DNAH11: variants seen among roughly 807,000 people sequenced by gnomAD.
The protein encoded by DNAH11 is axonemal beta dynein heavy chain 11.
Under a neutral mutation model 526.0 loss-of-function variants are expected in DNAH11, and 442 were observed. The ratio of observed to expected loss-of-function variants is 0.84; its 90% confidence interval spans 0.78 to 0.91. The LOEUF (loss-of-function observed/expected upper bound fraction) is 0.91, where lower values mean the gene tolerates loss of function less well. Among genes scored for constraint, DNAH11 ranks in the 40% least tolerant of loss-of-function variants. The pLI, the probability that DNAH11 is intolerant of heterozygous loss-of-function variation, is 0.00. For synonymous variants in DNAH11, 2,461 were observed against 1,935.9 expected, an observed-to-expected ratio of 1.27 and a Z score of -7.12; for missense variants, 6,989 against 5,448.7, an observed-to-expected ratio of 1.28 and a Z score of -8.90.
At chr7:21,601,228 C>T (rs748748575) in intron 17 of DNAH11, 49 bp downstream of exon 17, 1 of 1,547,746 alleles carries the variant, frequency 6.5e-7, no homozygotes, top group Non-Finnish European at 8.7e-7. Flanking sequence ...AAACTGCTTT[C>T]TAAAACTGAG....
At chr7:21,716,848 A>G (rs1046112572) in intron 42 of DNAH11, among the ~76,000 whole-genome samples, 7 of 152,220 alleles carry the variant, frequency 4.6e-5, no homozygotes, top group Non-Finnish European at 1.0e-4. Context: ...AGAGTGTAAC[A>G]TAACCGGCTA....
At chr7:21,778,927 A>G (rs748830074) in intron 56 of DNAH11, 31 bp from the exon 57 acceptor site, 11 of 1,606,250 alleles carry the variant, frequency 6.8e-6, no homozygotes, top group Non-Finnish European at 8.5e-6. Flanking sequence ...GAACAAGGCC[A>G]GTGACGTAAG....
Position 21,884,287 on chromosome 7 carries a change from A to G in DNAH11, c.12388-4A>G, listed in dbSNP as rs758561213. On this transcript the variant is annotated splice_region_variant and splice_polypyrimidine_tract_variant and intron_variant, in intron 75 of 81. Transcript: ENST00000409508. ...AGTGAATATTTGTGTGGTTTTCTCCACAGGTCCCATGGGAAGATCTCCGTT... is the reference window on the plus strand; with the variant it reads ...AGTGAATATTTGTGTGGTTTTCTCCGCAGGTCCCATGGGAAGATCTCCGTT... 25 of 1,601,302 alleles carry G rather than the reference A, an allele frequency of 1.6e-5. No individual in the cohort carries two copies. Among genetic ancestry groups the G allele is most frequent in the Non-Finnish European group, 2.1e-5 (25 of 1,174,738 alleles).
intron 75 of DNAH11, among the ~76,000 whole-genome samples, chr7:21,881,116 GC>G (rs1309062679): frequency 1.3e-5 from 2 of 151,432 alleles, no homozygotes; most frequent in Non-Finnish European, 3.0e-5. Context: ...TACATCAGCA[GC>G]TTAGTGTAAA....
chr7:21,724,120 T>C (rs964765463), intron 44 of DNAH11, among the ~76,000 whole-genome samples: 2 of 152,198 alleles, frequency 1.3e-5, no homozygotes, highest in African/African-American at 4.8e-5. Context: ...TTTGCCTATA[T>C]GTAGTGGTTA....
At chr7:21,668,690 C>T (rs1242302771) in intron 30 of DNAH11, among the ~76,000 whole-genome samples, 1 of 152,178 alleles carries the variant, frequency 6.6e-6, no homozygotes, top group African/African-American at 2.4e-5. Context: ...TTATTGCTTA[C>T]TAATAATACA....
Position 21,655,913 on chromosome 7 carries a change from G to A in DNAH11, c.5026G>A (p.Ala1676Thr). ...CAATCAGGATGTTTCTGCACACAGG[G>A]CAGTTGGAATGTACAGCAAAGAAAA... ...EDNQDVSAHRAVGMYSKEKEY... is the reference protein window; with the variant it reads ...EDNQDVSAHRTVGMYSKEKEY... Residue 1676 changes from alanine (A) to threonine (T), a missense_variant, in exon 29 of 82, where the codon GCA (alanine) becomes ACA (threonine). By Grantham distance (58) the Ala-to-Thr change is moderately conservative. Transcript: ENST00000409508. 1 of 1,613,284 alleles carries A rather than the reference G, an allele frequency of 6.2e-7. No individual in the cohort carries two copies. The highest frequency in any genetic ancestry group is 2.2e-5 in the East Asian group (1 of 44,844).
At chr7:21,702,034 A>G (rs896703068) in intron 36 of DNAH11, among the ~76,000 whole-genome samples, 13 of 152,134 alleles carry the variant, frequency 8.5e-5, no homozygotes, top group African/African-American at 2.7e-4. Context: ...TATGGGAAAT[A>G]AGTTTATCAT....
At chr7:21,562,993 T>G (rs1783527188) in intron 5 of DNAH11, among the ~76,000 whole-genome samples, 1 of 152,148 alleles carries the variant, frequency 6.6e-6, no homozygotes, top group South Asian at 2.1e-4. Flanking sequence ...TACTTGACTT[T>G]GTTCCCTACT....
At chr7:21,554,976 C>T (rs1391150802) in intron 2 of DNAH11, among the ~76,000 whole-genome samples, 2 of 152,160 alleles carry the variant, frequency 1.3e-5, no homozygotes, top group Non-Finnish European at 2.9e-5. Flanking sequence ...TCCTGCTGCC[C>T]CTTGATTTTC....
chr7:21,732,918 G>C (rs577211080), intron 45 of DNAH11, among the ~76,000 whole-genome samples: 3 of 152,360 alleles, frequency 2.0e-5, no homozygotes, highest in East Asian at 3.9e-4. Flanking sequence ...TAATTCTGCA[G>C]ACTGGGCCAT....
At chr7:21,759,855 A>T (rs1184414666) in intron 54 of DNAH11, among the ~76,000 whole-genome samples, 1 of 152,236 alleles carries the variant, frequency 6.6e-6, no homozygotes, top group African/African-American at 2.4e-5. Context: ...CAAATGAGTC[A>T]TAACACCTGT....
chr7:21,616,209 A>G lies in DNAH11; in HGVS notation c.4012A>G (p.Arg1338Gly), dbSNP rs1446454947. Reference sequence around the variant, plus strand: ...CTTTTATCTGCTTTTGCGTTTTCAGAGAAGCATTGATAATTGGACTAAAAC... The same window carrying G: ...CTTTTATCTGCTTTTGCGTTTTCAGGGAAGCATTGATAATTGGACTAAAAC... ...GLWDVIIYVR[R>G]SIDNWTKTQW... Residue 1338 changes from arginine to glycine, a missense_variant and splice_region_variant, in exon 22 of 82, where the codon AGA (arginine) becomes GGA (glycine). Transcript: ENST00000409508. 2 of 1,613,108 alleles carry G rather than the reference A, an allele frequency of 1.2e-6. No individual in the cohort carries two copies. Among genetic ancestry groups the G allele is most frequent in the Non-Finnish European group, 1.7e-6 (2 of 1,179,452 alleles).
intron 28 of DNAH11, among the ~76,000 whole-genome samples, chr7:21,651,090 T>A (rs1198810245): frequency 6.6e-6 from 1 of 152,174 alleles, no homozygotes; most frequent in Non-Finnish European, 1.5e-5. Context: ...CTGCCCATAT[T>A]TTGGTCATGA....
chr7:21,780,299 C>T (rs1260212201), intron 57 of DNAH11, among the ~76,000 whole-genome samples: 2 of 152,068 alleles, frequency 1.3e-5, no homozygotes, highest in African/African-American at 4.8e-5. Flanking sequence ...AATCCCTGCA[C>T]TTAGGGAGGC....
intron 12 of DNAH11, among the ~76,000 whole-genome samples, chr7:21,590,292 A>C (rs1296827622): frequency 1.3e-5 from 2 of 152,202 alleles, no homozygotes; most frequent in Admixed American, 6.5e-5. Context: ...AGCTTGCTAG[A>C]TATGAGACAT....
chr7:21,553,564 TC>T (rs1182573189), intron 2 of DNAH11, among the ~76,000 whole-genome samples: 1 of 152,114 alleles, frequency 6.6e-6, no homozygotes, highest in African/African-American at 2.4e-5. Flanking sequence ...CAGAAGGAAC[TC>T]CCCCCACAGT....
chr7:21,867,294 G>GT (rs1380636129), intron 71 of DNAH11, among the ~76,000 whole-genome samples: 4 of 152,166 alleles, frequency 2.6e-5, no homozygotes, highest in Non-Finnish European at 5.9e-5. Flanking sequence ...TGTGCCTCAG[G>GT]TTTTTTCCTT....
chr7:21,887,740 C>A (rs796760743), intron 76 of DNAH11, among the ~76,000 whole-genome samples: 26 of 152,264 alleles, frequency 1.7e-4, no homozygotes, highest in African/African-American at 6.3e-4. Context: ...CAATGGGAAT[C>A]CTTTAGTAAA....
Sources: allele counts gnomAD v4.1 joint callset (sites outside exome capture counted in the v4.1 genomes callset), GRCh38; gene constraint gnomAD v4.1.1; transcripts MANE v1.5; gene names NCBI Gene and HGNC (gene_info 2026-07-23, HGNC 2026-07-21).